MMP26: variants seen among roughly 807,000 people sequenced by gnomAD.
The protein encoded by MMP26 is matrix metalloproteinase-26.
Under a neutral mutation model 31.0 loss-of-function variants are expected in MMP26, and 33 were observed. That is an observed-to-expected ratio of 1.06 (90% CI 0.81 to 1.42). MMP26 has a LOEUF of 1.42. Among genes scored for constraint, MMP26 ranks in the 40% most tolerant of loss-of-function variants. MMP26 has a pLI of 0.00. For synonymous variants in MMP26, 122 were observed against 114.9 expected (o/e 1.06, Z -0.40); for missense variants, 347 against 316.1 (o/e 1.10, Z -0.74).
At chr11:4,965,785 A>C (rs1008805448) in intron 2 of MMP26, among the ~76,000 whole-genome samples, 1 of 152,168 alleles carries the variant, frequency 6.6e-6, no homozygotes, top group African/African-American at 2.4e-5. Flanking sequence ...CACGTAACTA[A>C]ATTCTGTCTC....
intron 2 of MMP26, chr11:4,923,648 G>A (rs766018490): frequency 1.2e-6 from 2 of 1,614,000 alleles, no homozygotes; most frequent in Admixed American, 3.3e-5. Flanking sequence ...CTGGTGGGAG[G>A]CAATGCTGAG....
intron 2 of MMP26, among the ~76,000 whole-genome samples, chr11:4,792,395 C>T (rs571209483): frequency 2.0e-5 from 3 of 152,246 alleles, no homozygotes; most frequent in South Asian, 4.2e-4. Context: ...CTAACAAACC[C>T]TTAGCAACAT....
chr11:4,732,154 T>C (rs186291523), intron 1 of MMP26, among the ~76,000 whole-genome samples: 1 of 152,324 alleles, frequency 6.6e-6, no homozygotes, highest in East Asian at 1.9e-4. Context: ...AACCATCCCA[T>C]TGAATTGCTT....
chr11:4,781,908 C>T (rs192498196), intron 2 of MMP26, among the ~76,000 whole-genome samples: 102 of 152,278 alleles, frequency 6.7e-4, no homozygotes, highest in South Asian at 2.7e-3. Flanking sequence ...TTGCCTGCTG[C>T]CTTCCATGTA....
chr11:4,842,340 A>G (rs1368753054), intron 2 of MMP26, among the ~76,000 whole-genome samples: 1 of 152,192 alleles, frequency 6.6e-6, no homozygotes, highest in Non-Finnish European at 1.5e-5. Flanking sequence ...ACATTGCTAT[A>G]AAGAATTACC....
intron 2 of MMP26, among the ~76,000 whole-genome samples, chr11:4,962,640 A>AT (rs1193588919): frequency 6.6e-6 from 1 of 152,140 alleles, no homozygotes; most frequent in Non-Finnish European, 1.5e-5. Flanking sequence ...CAGGTACGGG[A>AT]TTTTAATTTT....
chr11:4,709,350 G>A (rs563378449), intron 1 of MMP26, among the ~76,000 whole-genome samples: 2 of 152,048 alleles, frequency 1.3e-5, no homozygotes, highest in Non-Finnish European at 2.9e-5. Flanking sequence ...CTAAAAACCA[G>A]GTTTCTTTAC....
rs1013738157 is a variant in MMP26, at chr11:4,984,471, T to C, written c.-144-3597T>C. Among the ~76,000 whole-genome samples the C allele has an allele frequency of 1.4e-4, 22 of 152,218 alleles. 1 individual carries two copies. Among genetic ancestry groups the C allele is most frequent in the African/African-American group, 5.1e-4 (21 of 41,470 alleles). On this transcript the variant is annotated intron_variant, in intron 2 of 7. Coordinates refer to ENST00000380390, the MANE Select transcript of MMP26 (RefSeq NM_021801.5). The stretch of plus-strand genomic sequence containing the variant: ...TGAATTATATGCTCGTATGTATCAA[T>C]AGTTTGTTAAGTATTCACTCACTTC...
intron 2 of MMP26, among the ~76,000 whole-genome samples, chr11:4,844,423 A>G (rs1051578697): frequency 6.6e-6 from 1 of 152,220 alleles, no homozygotes; most frequent in Admixed American, 6.5e-5. Flanking sequence ...CTATGAGGTC[A>G]GTATTACCAT....
chr11:4,876,029 A>G (rs1390210782), intron 2 of MMP26: 1 of 152,140 alleles, frequency 6.6e-6, no homozygotes, highest in Non-Finnish European at 1.5e-5. Context: ...TGATAAATTG[A>G]GTACTAAAGA....
intron 2 of MMP26, among the ~76,000 whole-genome samples, chr11:4,901,312 A>G (rs1464475076): frequency 6.6e-6 from 1 of 151,790 alleles, no homozygotes; most frequent in Non-Finnish European, 1.5e-5. Flanking sequence ...GGTGCCTGCC[A>G]CCACACCTGG....
intron 2 of MMP26, among the ~76,000 whole-genome samples, chr11:4,822,672 A>G (rs569501961): frequency 1.3e-5 from 2 of 152,340 alleles, no homozygotes; most frequent in South Asian, 4.1e-4. Context: ...ATAAAAGTTC[A>G]CATTTAATGT....
chr11:4,717,452 A>T (rs1199923215), intron 1 of MMP26, among the ~76,000 whole-genome samples: 5 of 152,170 alleles, frequency 3.3e-5, no homozygotes. Flanking sequence ...GTTGTAGCGG[A>T]AGAAGAGATG....
chr11:4,837,388 T>A (rs1218465490), intron 2 of MMP26, among the ~76,000 whole-genome samples: 2 of 152,100 alleles, frequency 1.3e-5, no homozygotes, highest in Non-Finnish European at 2.9e-5. Flanking sequence ...TTTTTTAAAT[T>A]TTTTGAAGAG....
intron 2 of MMP26, chr11:4,947,179 A>T: frequency 1.0e-6 from 1 of 999,504 alleles, no homozygotes; most frequent in Non-Finnish European, 1.4e-6. Flanking sequence ...ATTTAGTAGA[A>T]AAAAAGCAGT....
At chr11:4,769,840 A>T (rs200244744) in intron 2 of MMP26, 3 of 1,613,006 alleles carry the variant, frequency 1.9e-6, no homozygotes, top group African/African-American at 2.7e-5. Context: ...AGATCCAGAC[A>T]TGGGCAGACT....
At chr11:4,821,942 TG>T in intron 2 of MMP26, 1 of 1,614,054 alleles carries the variant, frequency 6.2e-7, no homozygotes, top group Non-Finnish European at 8.5e-7. Context: ...TGCAGTTCTA[TG>T]GTCCTTTCAC....
chr11:4,891,075 A>G (rs1850614504), intron 2 of MMP26, among the ~76,000 whole-genome samples: 1 of 151,480 alleles, frequency 6.6e-6, no homozygotes, highest in African/African-American at 2.4e-5. Context: ...GTTTTGAAGA[A>G]TGAAGAAAAT....
chr11:4,781,691 C>A, intron 2 of MMP26, among the ~76,000 whole-genome samples: 1 of 150,754 alleles, frequency 6.6e-6, no homozygotes, highest in South Asian at 2.1e-4. Context: ...TAAAATACCA[C>A]CCTGATGTGG....
Sources: gnomAD v4.1 joint callset for allele counts (sites outside exome capture counted in the v4.1 genomes callset) on GRCh38, gnomAD v4.1.1 for gene constraint, MANE v1.5 for transcripts, NCBI Gene and HGNC (gene_info 2026-07-23, HGNC 2026-07-21) for gene names.